Variants in RPRD1A observed in about 807,000 individuals in gnomAD.
RPRD1A encodes the protein regulation of nuclear pre-mRNA domain-containing protein 1A.
Under a neutral mutation model 37.8 loss-of-function variants are expected in RPRD1A, and 9 were observed. The observed-to-expected ratio is 0.24, with a 90% CI of 0.14 to 0.42. RPRD1A has a LOEUF of 0.42. Ranked by LOEUF, RPRD1A falls within the 10% of genes least tolerant of loss-of-function variation. The probability of loss-of-function intolerance (pLI) is 1.00; values close to 1 mark genes in which losing one functional copy is unlikely to be tolerated. For synonymous variants in RPRD1A, 138 were observed against 139.7 expected, an observed-to-expected ratio of 0.99 and a Z score of 0.08; for missense variants, 255 against 371.0, an observed-to-expected ratio of 0.69 and a Z score of 2.57.
At chr18:36,015,189 C>T (rs1191387997) in intron 6 of RPRD1A, among the ~76,000 whole-genome samples, 2 of 149,334 alleles carry the variant, frequency 1.3e-5, no homozygotes, top group African/African-American at 5.0e-5. Context: ...CACACACACA[C>T]ACACACACAC....
chr18:36,026,716 T>G, intron 6 of RPRD1A, 184 bp downstream of exon 6: 1 of 454,478 alleles, frequency 2.2e-6, no homozygotes, highest in African/African-American at 2.0e-5. Flanking sequence ...TAAGTTTACT[T>G]GCAAGATTAA....
intron 6 of RPRD1A, among the ~76,000 whole-genome samples, chr18:36,024,037 C>T (rs1911188906): frequency 6.6e-6 from 1 of 152,166 alleles, no homozygotes; most frequent in African/African-American, 2.4e-5. Context: ...ACAGTTTATG[C>T]AATACTTTCA....
chr18:36,066,728 T>C (rs533857060), intron 1 of RPRD1A, among the ~76,000 whole-genome samples: 2 of 152,348 alleles, frequency 1.3e-5, no homozygotes, highest in South Asian at 2.1e-4. Flanking sequence ...TATAAGAAAC[T>C]TGCCCAATTG....
chr18:36,003,945 C>T (rs1195012079), intron 6 of RPRD1A, among the ~76,000 whole-genome samples: 2 of 150,880 alleles, frequency 1.3e-5, no homozygotes, highest in Admixed American at 6.6e-5. Context: ...ACTACAGATG[C>T]GCACCACCAC....
intron 6 of RPRD1A, among the ~76,000 whole-genome samples, chr18:36,020,647 C>G (rs1910935466): frequency 6.6e-6 from 1 of 151,988 alleles, no homozygotes; most frequent in East Asian, 1.9e-4. Context: ...CTGAGCAACA[C>G]AGCAAAACCT....
At chr18:36,057,050 A>AC (rs1170695247) in intron 1 of RPRD1A, among the ~76,000 whole-genome samples, 8 of 95,014 alleles carry the variant, frequency 8.4e-5, no homozygotes, top group East Asian at 3.3e-4. Context: ...CCCTGTTTCT[A>AC]CAAAAAAAAA....
chr18:36,020,745 G>T (rs1376093061), intron 6 of RPRD1A, among the ~76,000 whole-genome samples: 1 of 151,990 alleles, frequency 6.6e-6, no homozygotes, highest in Non-Finnish European at 1.5e-5. Flanking sequence ...CAGGAGGTGT[G>T]TGAGGTTACA....
rs752379681 is a variant in RPRD1A at position 35,993,176 on chromosome 18, G to T, written c.914C>A (p.Ala305Glu). 2 of 1,613,984 alleles carry T rather than the reference G, an allele frequency of 1.2e-6. No homozygotes were observed. Among genetic ancestry groups the T allele is most frequent in the South Asian group, 1.1e-5 (1 of 91,062 alleles). Residue 305 changes from alanine to glutamate, a missense_variant, in exon 7 of 7, where the codon GCG (alanine) becomes GAG (glutamate). Ala to Glu is a moderately radical substitution (Grantham distance 107, BLOSUM62 -1). Coordinates refer to ENST00000399022, the MANE Select transcript of RPRD1A (RefSeq NM_018170.5). ...VTGSHMHLPFAGDIYSED is the reference protein window; with the variant it reads ...VTGSHMHLPFEGDIYSED ...TCAATCTTCACTGTAGATGTCTCCC[G>T]CAAAGGGCAGGTGCATGTGGCTGCC...
intron 6 of RPRD1A, among the ~76,000 whole-genome samples, chr18:36,007,470 C>G (rs764260390): frequency 1.3e-4 from 20 of 152,148 alleles, no homozygotes; most frequent in Non-Finnish European, 2.8e-4. Context: ...AATTTAGCAT[C>G]AAGATTCCAG....
chr18:36,051,221 G>A (rs186182854), intron 1 of RPRD1A, among the ~76,000 whole-genome samples: 9 of 152,166 alleles, frequency 5.9e-5, no homozygotes, highest in African/African-American at 1.2e-4. Context: ...CAAGACGTGC[G>A]TCAATATAGC....
chr18:36,015,154 AC>A (rs903014113), intron 6 of RPRD1A, among the ~76,000 whole-genome samples: 7 of 93,642 alleles, frequency 7.5e-5, no homozygotes, highest in African/African-American at 2.3e-4. Flanking sequence ...ACACACACAC[AC>A]ACATATATAC....
At chr18:36,029,679 C>T (rs1911628173) in intron 4 of RPRD1A, among the ~76,000 whole-genome samples, 1 of 149,706 alleles carries the variant, frequency 6.7e-6, no homozygotes, top group Non-Finnish European at 1.5e-5. Flanking sequence ...TTAAGGAATA[C>T]CATACCATAC....
In RPRD1A at chr18:36,052,691, C is replaced by T. The variant is rs182279581; in HGVS notation, c.151+14563G>A. Reference sequence around the variant, plus strand: ...TCAGCTCACTGCAACCTCCACCTCCCGAGCTCAAGCGATTCTCCTTCCTCA... The same window carrying T: ...TCAGCTCACTGCAACCTCCACCTCCTGAGCTCAAGCGATTCTCCTTCCTCA... On this transcript the variant is annotated intron_variant, in intron 1 of 6. Transcript: ENST00000399022. 7.8e-4 allele frequency among the ~76,000 whole-genome samples: 119 copies of T among 152,186 alleles called. 1 individual carries two copies. The highest frequency in any genetic ancestry group is 2.8e-3 in the African/African-American group (115 of 41,508).
At chr18:36,029,690 C>A (rs1911628859) in intron 4 of RPRD1A, among the ~76,000 whole-genome samples, 1 of 150,836 alleles carries the variant, frequency 6.6e-6, no homozygotes, top group African/African-American at 2.4e-5. Flanking sequence ...CATACCATAC[C>A]AACATGTAGG....
intron 6 of RPRD1A, among the ~76,000 whole-genome samples, chr18:36,021,630 A>T (rs149713917): frequency 1.4e-3 from 214 of 152,358 alleles, no homozygotes; most frequent in South Asian, 2.3e-3. Context: ...AAGCCAAAAC[A>T]GGCCAAAAGT....
intron 6 of RPRD1A, among the ~76,000 whole-genome samples, chr18:36,001,974 C>G (rs1041514625): frequency 6.6e-6 from 1 of 151,914 alleles, no homozygotes; most frequent in Non-Finnish European, 1.5e-5. Context: ...GCTGAGAAGT[C>G]CATAATTTAT....
At chr18:36,030,659 G>T in intron 4 of RPRD1A, 149 bp downstream of exon 4, 1 of 581,968 alleles carries the variant, frequency 1.7e-6, no homozygotes, top group Non-Finnish European at 3.0e-6. Context: ...TAAGCAATTT[G>T]TTAATGAGGA....
At chr18:36,064,721 C>T (rs2088989109) in intron 1 of RPRD1A, among the ~76,000 whole-genome samples, 1 of 152,184 alleles carries the variant, frequency 6.6e-6, no homozygotes, top group African/African-American at 2.4e-5. Context: ...AGAATAAAAG[C>T]AGGCCACCCA....
intron 6 of RPRD1A, among the ~76,000 whole-genome samples, chr18:35,994,762 G>T (rs1349985387): frequency 4.6e-5 from 7 of 152,088 alleles, no homozygotes; most frequent in African/African-American, 7.2e-5. Context: ...AGCCACTTAG[G>T]TTTATATAAA....
Sources: allele counts gnomAD v4.1 joint callset (sites outside exome capture counted in the v4.1 genomes callset), GRCh38; gene constraint gnomAD v4.1.1; transcripts MANE v1.5; gene names NCBI Gene and HGNC (gene_info 2026-07-23, HGNC 2026-07-21).